The following TCIRG1 variants were observed in gnomAD, a reference collection of about 807,000 sequenced individuals.
The protein encoded by TCIRG1 is T cell immune regulator 1, ATPase H+ transporting V0 subunit a3.
A neutral mutation model predicts 95.5 loss-of-function variants in TCIRG1; 86 were observed. That is an observed-to-expected ratio of 0.90 (90% CI 0.76 to 1.08). TCIRG1 has a LOEUF of 1.08. TCIRG1 is among the 50% of genes least tolerant of loss of function. The pLI is 0.00. For missense variants in TCIRG1, 1,069 were observed against 1,140.2 expected (o/e 0.94, Z 0.90); for synonymous variants, 499 against 501.3 (o/e 1.00, Z 0.06).
rs1490111456 is a variant in TCIRG1 at position 68,047,424 on chromosome 11, T to C, written c.1166-9T>C. ...CGGGGGTTCCCAGCTCACCCACCTC[T>C]GCCCACAGCTCCCTACACCATCATC... is the stretch of plus-strand genomic sequence containing the variant. On this transcript the variant is annotated splice_polypyrimidine_tract_variant and intron_variant, in intron 10 of 19. Transcript: ENST00000265686. 2 of 1,613,678 alleles carry C rather than the reference T, an allele frequency of 1.2e-6. No individual in the cohort carries two copies.
At chr11:68,042,331 T>G (rs1489219884) in intron 3 of TCIRG1, among the ~76,000 whole-genome samples, 1 of 152,158 alleles carries the variant, frequency 6.6e-6, no homozygotes, top group Non-Finnish European at 1.5e-5. Flanking sequence ...GTTTACAGCT[T>G]TTCAATGATC....
rs749398672 is a variant in TCIRG1, at chr11:68,044,200, G to A, written c.876G>A (p.Gly292=). The part of the protein sequence containing the change: ...LGRVLQLLPP[G]QVQVHKMKAV... ...GGGTGCTGCAGCTGCTGCCGCCAGG[G>A]CAGGTGCAGGTCCACAAGATGAAGG... The change falls in exon 9 of 20, where the codon GGG becomes GGA. Residue 292 remains glycine, a synonymous_variant. Coordinates refer to ENST00000265686, the MANE Select transcript of TCIRG1 (RefSeq NM_006019.4). 2.6e-6 allele frequency: 4 copies of A among 1,562,242 alleles called. No individual in the cohort carries two copies. In the South Asian group the frequency reaches 4.7e-5, roughly 18 times the overall value.
Position 68,049,654 on chromosome 11 carries a change from C to T in TCIRG1, c.1888-9C>T. 1 of 1,599,810 alleles carries T rather than the reference C, an allele frequency of 6.3e-7. No individual in the cohort carries two copies. Among genetic ancestry groups the T allele is most frequent in the Non-Finnish European group, 8.5e-7 (1 of 1,179,106 alleles). Reference sequence around the variant, plus strand: ...AGGGACGCCCTGACTCTCGCCCTCTCCCTGGCAGGAGGTGGTCCAGGCCAC... The same window carrying T: ...AGGGACGCCCTGACTCTCGCCCTCTTCCTGGCAGGAGGTGGTCCAGGCCAC... On this transcript the variant is annotated splice_polypyrimidine_tract_variant and intron_variant, in intron 15 of 19. Coordinates refer to ENST00000265686, the MANE Select transcript of TCIRG1 (RefSeq NM_006019.4).
rs1352497123 is a variant in TCIRG1 at position 68,047,951 on chromosome 11, C to G, written c.1533C>G (p.Pro511=). The change falls in exon 13 of 20, where the codon CCC becomes CCG. Residue 511 remains proline, a synonymous_variant. Transcript: ENST00000265686. The part of the protein sequence containing the change: ...DPNVTGVFLG[P]YPFGIDPIWS... ...ACGTCACCGGTGTCTTCCTGGGACC[C>G]TACCCCTTTGGCATCGATCCTGTGA... is the stretch of plus-strand genomic sequence containing the variant. 1 of 1,613,822 alleles carries G rather than the reference C, an allele frequency of 6.2e-7. No individual in the cohort carries two copies. Among genetic ancestry groups the G allele is most frequent in the East Asian group, 2.2e-5 (1 of 44,874 alleles).
At chr11:68,051,506 G>A (rs75652621), downstream of TCIRG1, among the ~76,000 whole-genome samples, 5,606 of 152,276 alleles carry the variant, frequency 0.037, 147 homozygotes, top group Non-Finnish European at 0.054. Flanking sequence ...CCTCTGGCCT[G>A]GGTCCCACCC....
In TCIRG1 at chr11:68,043,490, C is replaced by T. The variant is rs1450605645; in HGVS notation, c.623C>T (p.Pro208Leu). 1 of 1,567,696 alleles carries T rather than the reference C, an allele frequency of 6.4e-7. No individual in the cohort carries two copies. The highest frequency in any genetic ancestry group is 1.2e-5 in the South Asian group (1 of 85,692). The change falls in exon 6 of 20, where the codon CCC (proline) becomes CTC (leucine). Residue 208 changes from proline (P) to leucine (L), a missense_variant. Coordinates refer to ENST00000265686, the MANE Select transcript of TCIRG1 (RefSeq NM_006019.4). ...FRELEQPLEH[P>L]VTGEPATWMT... ...GAGCTGGAGCAGCCGCTGGAGCACC[C>T]CGTGACGGTGAGCAGCTGGCGCTGG...
Position 68,042,987 on chromosome 11 carries a change from C to A in TCIRG1, c.459C>A (p.Pro153=). ...CAGATGGGGCCTCAGAGAGGACGCC[C>A]CTGCTCCAGGCCCCCGGGGGGCCGC... The part of the protein sequence containing the change: ...AHTDGASERT[P]LLQAPGGPHQ... Residue 153 remains proline, a synonymous_variant, in exon 5 of 20, where the codon CCC becomes CCA. Transcript: ENST00000265686. 1 of 1,554,706 alleles carries A rather than the reference C, an allele frequency of 6.4e-7. No individual in the cohort carries two copies. The highest frequency in any genetic ancestry group is 2.4e-5 in the East Asian group (1 of 41,152).
intron 10 of TCIRG1, among the ~76,000 whole-genome samples, chr11:68,045,557 T>A (rs893080122): frequency 5.0e-4 from 70 of 141,402 alleles, no homozygotes; most frequent in African/African-American, 1.7e-3. Flanking sequence ...GTTGCACAGC[T>A]TTTTTTTTTT....
At chr11:68,043,327 G>A in intron 5 of TCIRG1, 44 bp from the exon 6 acceptor site, 1 of 1,533,368 alleles carries the variant, frequency 6.5e-7, no homozygotes, top group Non-Finnish European at 8.7e-7. Context: ...GGGGGAGGCA[G>A]GGCAGGAGGT....
At position 68,046,495 on chromosome 11, in the gene TCIRG1, C is replaced by G. The variant is rs570341921; in HGVS notation, c.1166-938C>G. ...TCCTTCTATGTGGGTCCAAATGTTC[C>G]TTTTCATAAGGACATCGGGCACACT... On this transcript the variant is annotated intron_variant, in intron 10 of 19. Coordinates refer to ENST00000265686, the MANE Select transcript of TCIRG1 (RefSeq NM_006019.4). Among the ~76,000 whole-genome samples the G allele has an allele frequency of 5.4e-3, 826 of 152,282 alleles. 9 individuals carry two copies. Among genetic ancestry groups the G allele is most frequent in the African/African-American group, 0.019 (783 of 41,566 alleles).
intron 1 of TCIRG1, among the ~76,000 whole-genome samples, chr11:68,039,491 A>C (rs1045544790): frequency 2.0e-5 from 3 of 152,062 alleles, no homozygotes; most frequent in African/African-American, 7.2e-5. Context: ...TTTGGAATGG[A>C]GGGGGCGCCA....
At chr11:68,044,799 G>T in intron 9 of TCIRG1, 159 bp from the exon 10 acceptor site, 1 of 906,890 alleles carries the variant, frequency 1.1e-6, no homozygotes, top group Non-Finnish European at 1.7e-6. Flanking sequence ...GCCCCCACCA[G>T]GGCAGAGCAG....
chr11:68,047,762 C>G lies in TCIRG1; in HGVS notation c.1421C>G (p.Ser474Trp), dbSNP rs199914625. ...CFSRATSIFPSGWSVAAMANQ... is the reference protein window; with the variant it reads ...CFSRATSIFPWGWSVAAMANQ... Reference sequence around the variant, plus strand: ...AGTCGCGCCACCAGCATCTTCCCCTCGGGCTGGAGTGTGGCCGCCATGGCC... The same window carrying G: ...AGTCGCGCCACCAGCATCTTCCCCTGGGGCTGGAGTGTGGCCGCCATGGCC... The change falls in exon 12 of 20, where the codon TCG (serine) becomes TGG (tryptophan). Residue 474 changes from serine to tryptophan, a missense_variant. Transcript: ENST00000265686. 196 of 1,613,098 alleles carry G rather than the reference C, an allele frequency of 1.2e-4. No individual in the cohort carries two copies. Among genetic ancestry groups the G allele is most frequent in the Non-Finnish European group, 1.6e-4 (189 of 1,179,964 alleles).
downstream of TCIRG1, among the ~76,000 whole-genome samples, chr11:68,051,575 C>T (rs1227246583): frequency 2.0e-5 from 3 of 152,340 alleles, no homozygotes; most frequent in South Asian, 6.2e-4. Flanking sequence ...GTGGTTCTTC[C>T]CACAGCTGTG....
chr11:68,041,763 C>G lies in TCIRG1; in HGVS notation c.128C>G (p.Ser43Trp). Residue 43 changes from serine to tryptophan, a missense_variant, in exon 3 of 20, where the codon TCG becomes TGG. Transcript: ENST00000265686. ...GLVEFRDLNA[S>W]VSAFQRRFVV... The stretch of plus-strand genomic sequence containing the variant: ...GTGTGGCACCCACAGCTCAACGCCT[C>G]GGTGAGCGCCTTCCAGAGACGCTTT... The G allele has an allele frequency of 1.2e-6, 2 of 1,609,130 alleles. No homozygotes were observed. Among genetic ancestry groups the G allele is most frequent in the Non-Finnish European group, 1.7e-6 (2 of 1,178,006 alleles).
chr11:68,049,739 T>C lies in TCIRG1; in HGVS notation c.1964T>C (p.Leu655Pro). Residue 655 changes from leucine (L) to proline (P), a missense_variant, in exon 16 of 20, where the codon CTG becomes CCG. Coordinates refer to ENST00000265686, the MANE Select transcript of TCIRG1 (RefSeq NM_006019.4). Reference protein sequence around the residue: ...PILLLGTPLHLLHRHRRRLRR... With the variant: ...PILLLGTPLHPLHRHRRRLRR... ...CTGCTGCTTGGCACACCCCTGCACC[T>C]GCTGCACCGCCACCGCCGCCGCCTG... 1 of 1,583,704 alleles carries C rather than the reference T, an allele frequency of 6.3e-7. No individual in the cohort carries two copies. Among genetic ancestry groups the C allele is most frequent in the Non-Finnish European group, 8.5e-7 (1 of 1,170,836 alleles).
At chr11:68,048,286 TTTC>T (rs1490167308) in intron 13 of TCIRG1, 3 of 464,088 alleles carry the variant, frequency 6.5e-6, no homozygotes, top group Non-Finnish European at 1.2e-5. Context: ...TGGAAGTGAT[TTTC>T]TTTTTTCTTT....
Position 68,043,800 on chromosome 11 carries a change from C to A in TCIRG1, c.714-14C>A. ...TGTCCTTCTGGCCCCTCACGCAGCG[C>A]ATCCTCCCTCCAGCTTCCACTGCCA... On this transcript the variant is annotated splice_polypyrimidine_tract_variant and intron_variant, in intron 7 of 19. Transcript: ENST00000265686. 6.4e-7 allele frequency: 1 copy of A among 1,557,188 alleles called. No individual in the cohort carries two copies. The highest frequency in any genetic ancestry group is 1.9e-5 in the Admixed American group (1 of 51,614).
In TCIRG1 at chr11:68,042,850, G is replaced by A; in HGVS notation, c.404G>A (p.Gly135Asp). The A allele has an allele frequency of 6.5e-7, 1 of 1,549,476 alleles. No homozygotes were observed. Among genetic ancestry groups the A allele is most frequent in the Non-Finnish European group, 8.7e-7 (1 of 1,146,442 alleles). The change falls in exon 4 of 20, where the codon GGC becomes GAC. Residue 135 changes from glycine to aspartate, a missense_variant. By Grantham distance (94) the Gly-to-Asp change is moderately conservative. Coordinates refer to ENST00000265686, the MANE Select transcript of TCIRG1 (RefSeq NM_006019.4). ...CTCCACGCCGCCGTGCTACGCCAGGGCCATGAACCTCAGGTCAGCTCCCAC... is the reference window on the plus strand; with the variant it reads ...CTCCACGCCGCCGTGCTACGCCAGGACCATGAACCTCAGGTCAGCTCCCAC... ...LQLHAAVLRQGHEPQLAAAHT... is the reference protein window; with the variant it reads ...LQLHAAVLRQDHEPQLAAAHT...
Sources: gnomAD v4.1 joint callset for allele counts (sites outside exome capture counted in the v4.1 genomes callset) on GRCh38, gnomAD v4.1.1 for gene constraint, MANE v1.5 for transcripts, NCBI Gene and HGNC (gene_info 2026-07-23, HGNC 2026-07-21) for gene names.